ZNF354C: variants seen among roughly 807,000 people sequenced by gnomAD.
ZNF354C encodes KRAB-zinc finger protein synten.
ZNF354C carries 7 observed loss-of-function variants against 12.4 expected under a neutral mutation model. The observed-to-expected ratio is 0.56, with a 90% CI of 0.32 to 1.06. ZNF354C has a LOEUF of 1.06. Among genes scored for constraint, ZNF354C ranks in the 50% least tolerant of loss-of-function variants. ZNF354C has a pLI of 0.04. For missense variants in ZNF354C, 609 were observed against 658.0 expected (o/e 0.93, Z 0.81); for synonymous variants, 202 against 224.5 (o/e 0.90, Z 0.90).
intron 2 of ZNF354C, among the ~76,000 whole-genome samples, chr5:179,075,175 T>C (rs112347672): frequency 1.2e-3 from 180 of 150,182 alleles, no homozygotes; most frequent in African/African-American, 4.1e-3. Context: ...AGGAGAATGG[T>C]GTGAACCCGG....
chr5:179,075,810 A>G (rs1013275159), intron 2 of ZNF354C, among the ~76,000 whole-genome samples: 1 of 152,246 alleles, frequency 6.6e-6, no homozygotes. Context: ...GAATAAATGT[A>G]CTGAAATTTG....
intron 2 of ZNF354C, among the ~76,000 whole-genome samples, chr5:179,063,383 G>A (rs1761918884): frequency 6.6e-6 from 1 of 152,142 alleles, no homozygotes; most frequent in Admixed American, 6.5e-5. Context: ...AACATAGTGA[G>A]GCCTTGTCAC....
At chr5:179,074,330 G>GT (rs1762086143) in intron 2 of ZNF354C, among the ~76,000 whole-genome samples, 1 of 146,438 alleles carries the variant, frequency 6.8e-6, no homozygotes, top group Admixed American at 6.9e-5. Context: ...GTTTCACTGT[G>GT]TTGGCCAGGA....
intron 2 of ZNF354C, among the ~76,000 whole-genome samples, chr5:179,074,134 C>T (rs533503400): frequency 1.3e-5 from 2 of 151,764 alleles, no homozygotes; most frequent in South Asian, 2.1e-4. Context: ...AGGCACGTGC[C>T]ACCATGCCCA....
intron 2 of ZNF354C, among the ~76,000 whole-genome samples, chr5:179,072,669 G>A (rs140533524): frequency 2.0e-4 from 31 of 152,202 alleles, no homozygotes; most frequent in African/African-American, 7.2e-4. Context: ...AACCAAGAAT[G>A]CAAGCCACAT....
rs1308681004 is a variant in ZNF354C, at chr5:179,072,397, CAG to C, written c.28-4047_28-4046del. On this transcript the variant is annotated intron_variant, in intron 2 of 4. Coordinates refer to ENST00000315475, the MANE Select transcript of ZNF354C (RefSeq NM_014594.3). ...GACAGAAATTATCCTATCTGAAAAA[CAG>C]GGAGAAAAAAGGCCCTCAGTTACCA... is the stretch of plus-strand genomic sequence containing the variant. 1.1e-4 allele frequency among the ~76,000 whole-genome samples: 17 copies of C among 151,400 alleles called. 1 individual carries two copies. In the South Asian group the frequency reaches 2.5e-3, roughly 22 times the overall value.
intron 4 of ZNF354C, among the ~76,000 whole-genome samples, chr5:179,077,999 G>T (rs143571323): frequency 7.1e-4 from 108 of 152,004 alleles, no homozygotes; most frequent in African/African-American, 2.5e-3. Flanking sequence ...TAGAGACGGG[G>T]TTTCACCATG....
At chr5:179,073,661 T>G (rs1442291062) in intron 2 of ZNF354C, among the ~76,000 whole-genome samples, 1 of 150,250 alleles carries the variant, frequency 6.7e-6, no homozygotes, top group Admixed American at 7.1e-5. Context: ...TGTTGTTGTT[T>G]TTTGTTTTTT....
rs1762214762 is a variant in ZNF354C at position 179,080,633 on chromosome 5, C to A, written c.*536C>A. The A allele has an allele frequency of 6.6e-6, 1 of 152,170 alleles. No homozygotes were observed. The highest frequency in any genetic ancestry group is 2.4e-5 in the African/African-American group (1 of 41,398). 9.4% of individuals were successfully genotyped at this position (152,170 alleles called of 1,614,324 possible). ...CCCACCAGCAACTTATATATGTAAA[C>A]ATACATATATACACATATGCATGTG... On this transcript the variant is annotated 3_prime_UTR_variant, in exon 5 of 5. Transcript: ENST00000315475.
chr5:179,061,515 A>G (rs1334091303), intron 1 of ZNF354C, among the ~76,000 whole-genome samples: 1 of 152,118 alleles, frequency 6.6e-6, no homozygotes, highest in African/African-American at 2.4e-5. Flanking sequence ...TGGTTGGATT[A>G]TGCTCACAGT....
chr5:179,064,538 T>C (rs756746200), intron 2 of ZNF354C, among the ~76,000 whole-genome samples: 103 of 151,892 alleles, frequency 6.8e-4, no homozygotes, highest in Non-Finnish European at 1.1e-3. Context: ...TGCCTCAGCC[T>C]CCCGAGTAGC....
In ZNF354C at chr5:179,083,211, A is replaced by T. The variant is rs1762252477; in HGVS notation, c.*3114A>T. ...TTTATTAGCTTCTGATTCATAAAAAAACCTATAAGAGACATTTGGGGGGAT... is the reference window on the plus strand; with the variant it reads ...TTTATTAGCTTCTGATTCATAAAAATACCTATAAGAGACATTTGGGGGGAT... On this transcript the variant is annotated 3_prime_UTR_variant, in exon 5 of 5. Transcript: ENST00000315475. 1 of 307,168 alleles carries T rather than the reference A, an allele frequency of 3.3e-6. No homozygotes were observed. Among genetic ancestry groups the T allele is most frequent in the Non-Finnish European group, 6.0e-6 (1 of 167,724 alleles). 19.0% of individuals were successfully genotyped at this position (307,168 alleles called of 1,614,324 possible).
Position 179,082,795 on chromosome 5 carries a change from T to G in ZNF354C, c.*2698T>G. The G allele has an allele frequency of 1.0e-5, 14 of 1,358,968 alleles. No homozygotes were observed. The South Asian group carries it at 1.4e-4, about 14-fold the overall frequency. The allele number at this position is 1,358,968 out of a possible 1,614,324, so 84.2% of individuals were successfully genotyped here. A position where few individuals can be genotyped will look rare whatever the true frequency, so the allele number is the denominator to read the frequency against. On this transcript the variant is annotated 3_prime_UTR_variant, in exon 5 of 5. Transcript: ENST00000315475. ...TCACTGGCATCATCCAGGGTGATGT[T>G]CTTCAAGCGACTGACCAACCGATCA...
At chr5:179,064,062 A>G (rs1027110428) in intron 2 of ZNF354C, among the ~76,000 whole-genome samples, 30 of 152,298 alleles carry the variant, frequency 2.0e-4, no homozygotes, top group Admixed American at 1.1e-3. Context: ...CTGCTGCCCA[A>G]AGGTAGGGTT....
intron 1 of ZNF354C, among the ~76,000 whole-genome samples, chr5:179,061,661 G>A (rs1014992997): frequency 2.0e-5 from 3 of 152,090 alleles, no homozygotes; most frequent in African/African-American, 7.2e-5. Flanking sequence ...GGGCAGGCAG[G>A]ATGAGGATCA....
At chr5:179,070,841 CTTTTTTTTTTT>C (rs766817856) in intron 2 of ZNF354C, among the ~76,000 whole-genome samples, 2 of 75,438 alleles carry the variant, frequency 2.7e-5, no homozygotes, top group African/African-American at 1.1e-4. Context: ...CTTGATCGCT[CTTTTTTTTTTT>C]TTTTTTTTTT....
rs1762077309 is a variant in ZNF354C at position 179,073,646 on chromosome 5, T to G, written c.28-2799T>G. Among the ~76,000 whole-genome samples the G allele has an allele frequency of 2.6e-5, 4 of 152,242 alleles. No homozygotes were observed. In the South Asian group the frequency reaches 8.3e-4, roughly 32 times the overall value. ...AAACAAGATAAAGGCAGCATGGTTTTTTGTTGTTGTTGTTTTTTGTTTTTT... is the reference window on the plus strand; with the variant it reads ...AAACAAGATAAAGGCAGCATGGTTTGTTGTTGTTGTTGTTTTTTGTTTTTT... On this transcript the variant is annotated intron_variant, in intron 2 of 4. Coordinates refer to ENST00000315475, the MANE Select transcript of ZNF354C (RefSeq NM_014594.3).
intron 2 of ZNF354C, among the ~76,000 whole-genome samples, chr5:179,066,404 G>A (rs1011416891): frequency 6.6e-6 from 1 of 152,226 alleles, no homozygotes; most frequent in Admixed American, 6.5e-5. Context: ...TCTAAATCAA[G>A]AGTAAGAAAA....
intron 4 of ZNF354C, among the ~76,000 whole-genome samples, chr5:179,077,626 G>T (rs2113123773): frequency 6.6e-6 from 1 of 152,220 alleles, no homozygotes; most frequent in African/African-American, 2.4e-5. Flanking sequence ...AAAATAAAAA[G>T]AAAGGTAATA....
Sources: allele counts gnomAD v4.1 joint callset (sites outside exome capture counted in the v4.1 genomes callset), GRCh38; gene constraint gnomAD v4.1.1; transcripts MANE v1.5; gene names NCBI Gene and HGNC (gene_info 2026-07-23, HGNC 2026-07-21).